Variants in MYO1B observed in about 807,000 individuals in gnomAD.
MYO1B encodes myosin IB.
MYO1B carries 72 observed loss-of-function variants against 159.7 expected under a neutral mutation model. That is an observed-to-expected ratio of 0.45 (90% confidence interval 0.37 to 0.55). The LOEUF (loss-of-function observed/expected upper bound fraction) is 0.55. Ranked by LOEUF, MYO1B falls within the 20% of genes least tolerant of loss-of-function variation. MYO1B has a pLI of 0.00. For missense variants in MYO1B, 1,062 were observed against 1,364.8 expected, an observed-to-expected ratio of 0.78 and a Z score of 3.50; for synonymous variants, 468 against 473.8, an observed-to-expected ratio of 0.99 and a Z score of 0.16.
chr2:191,264,943 C>T lies in MYO1B; in HGVS notation c.-9-11944C>T, dbSNP rs112963270. On this transcript the variant is annotated intron_variant, in intron 1 of 30. Coordinates refer to ENST00000392318, the MANE Select transcript of MYO1B (RefSeq NM_001130158.3). ...TGAGGAAACTGAGGCTTGAAGGTGG[C>T]AGTGTGCCCAGTGTCTCACTGTGAG... Among the ~76,000 whole-genome samples the T allele has an allele frequency of 5.0e-3, 762 of 151,998 alleles. 4 individuals are homozygous for T. The highest frequency in any genetic ancestry group is 0.017 in the African/African-American group (716 of 41,434).
rs556871012 is a variant in MYO1B, at chr2:191,384,950, T to TTCCCCAGGG, written c.1354-932_1354-924dup. On this transcript the variant is annotated intron_variant, in intron 15 of 30. Transcript: ENST00000392318. ...ACACTTGATTCCTGAGAGTCCACGC[T>TTCCCCAGGG]TCCCCAGGGTTTTGTGTGGAATGAA... Among the ~76,000 whole-genome samples the TTCCCCAGGG allele has an allele frequency of 1.2e-4, 18 of 152,318 alleles. 2 individuals carry two copies. In the East Asian group the frequency reaches 3.5e-3, roughly 29 times the overall value.
intron 3 of MYO1B, among the ~76,000 whole-genome samples, chr2:191,311,365 A>G (rs1689992777): frequency 2.0e-5 from 3 of 152,186 alleles, no homozygotes. Context: ...AGGCATAATC[A>G]TAGGTTACCT....
Position 191,393,225 on chromosome 2 carries a change from AAG to A in MYO1B, c.2226+6_2226+7del. Reference sequence around the variant, plus strand: ...CCGCCTGGTACAGGAGATATGCGGTAAGAGTCTCAGTCATTTTAAATCAGTAA... The same window carrying A: ...CCGCCTGGTACAGGAGATATGCGGTAAGTCTCAGTCATTTTAAATCAGTAA... On this transcript the variant is annotated splice_donor_5th_base_variant and intron_variant, in intron 20 of 30. Transcript: ENST00000392318. The A allele has an allele frequency of 6.2e-7, 1 of 1,613,806 alleles. No individual in the cohort carries two copies. Among genetic ancestry groups the A allele is most frequent in the South Asian group, 1.1e-5 (1 of 91,040 alleles).
At chr2:191,412,145 A>G (rs908273214) in intron 27 of MYO1B, among the ~76,000 whole-genome samples, 1 of 152,250 alleles carries the variant, frequency 6.6e-6, no homozygotes, top group African/African-American at 2.4e-5. Context: ...GAGGTGATAC[A>G]TACTCCCTTA....
intron 1 of MYO1B, chr2:191,263,286 G>A (rs1686934491): frequency 3.1e-6 from 3 of 981,592 alleles, no homozygotes; most frequent in Non-Finnish European, 2.4e-6. Context: ...TGTACTTAGT[G>A]TGTTCTCCCT....
rs138819338 is a variant in MYO1B, at chr2:191,354,538, G to C, written c.562+4313G>C. ...CTGACTTTGTTCAGCTTGAAAAAAA[G>C]AAATTCTGCTAATTATGAATGGAGG... On this transcript the variant is annotated intron_variant, in intron 7 of 30. Coordinates refer to ENST00000392318, the MANE Select transcript of MYO1B (RefSeq NM_001130158.3). Among the ~76,000 whole-genome samples the C allele has an allele frequency of 2.6e-3, 395 of 152,150 alleles. 1 individual carries two copies. The highest frequency in any genetic ancestry group is 0.024 in the Middle Eastern group (7 of 294).
At chr2:191,259,451 T>A (rs780978480) in intron 1 of MYO1B, among the ~76,000 whole-genome samples, 14 of 152,224 alleles carry the variant, frequency 9.2e-5, no homozygotes, top group Non-Finnish European at 2.1e-4. Context: ...TAAAATGTGA[T>A]CATAATCATA....
chr2:191,246,857 C>T (rs972474405), intron 1 of MYO1B, among the ~76,000 whole-genome samples: 3 of 152,198 alleles, frequency 2.0e-5, no homozygotes, highest in Admixed American at 1.3e-4. Flanking sequence ...ACACACCACA[C>T]ACACCAGCGT....
At chr2:191,356,337 C>CTTTT (rs79525897) in intron 7 of MYO1B, among the ~76,000 whole-genome samples, 322 of 106,222 alleles carry the variant, frequency 3.0e-3, no homozygotes, top group Middle Eastern at 5.5e-3. Context: ...GGCTGGGCTT[C>CTTTT]TTTTTTTTTT....
At chr2:191,315,836 A>T (rs1411370881) in intron 3 of MYO1B, among the ~76,000 whole-genome samples, 1 of 152,258 alleles carries the variant, frequency 6.6e-6, no homozygotes, top group African/African-American at 2.4e-5. Context: ...TAGGAAAAGC[A>T]AATCTATAAG....
intron 23 of MYO1B, chr2:191,402,098 G>A (rs1696651256): frequency 6.6e-6 from 1 of 152,234 alleles, no homozygotes; most frequent in Non-Finnish European, 1.5e-5. Flanking sequence ...TTTGAGTTTT[G>A]TTAGTTTTGG....
chr2:191,343,347 C>T (rs1193763044), intron 5 of MYO1B, among the ~76,000 whole-genome samples: 1 of 152,162 alleles, frequency 6.6e-6, no homozygotes, highest in Non-Finnish European at 1.5e-5. Flanking sequence ...CAGGCTCAGC[C>T]TCTCCTGCCC....
At chr2:191,259,106 A>C (rs1313749537) in intron 1 of MYO1B, among the ~76,000 whole-genome samples, 1 of 152,228 alleles carries the variant, frequency 6.6e-6, no homozygotes, top group Non-Finnish European at 1.5e-5. Context: ...CAGCTTGTGC[A>C]TGGTGAACTT....
chr2:191,262,999 T>C (rs1428301724), intron 1 of MYO1B: 1 of 152,230 alleles, frequency 6.6e-6, no homozygotes, highest in Non-Finnish European at 1.5e-5. Flanking sequence ...TTAAGTATTC[T>C]TTCCTCAGTT....
At position 191,301,387 on chromosome 2, in the gene MYO1B, G is replaced by A. The variant is rs566378739; in HGVS notation, c.251+5161G>A. On this transcript the variant is annotated intron_variant, in intron 3 of 30. Transcript: ENST00000392318. Reference sequence around the variant, plus strand: ...GATGAGGGAAATAATCAAACTATAGGTTGAGCATCCCTAATCTGAAAATCC... The same window carrying A: ...GATGAGGGAAATAATCAAACTATAGATTGAGCATCCCTAATCTGAAAATCC... Among the ~76,000 whole-genome samples the A allele has an allele frequency of 2.0e-5, 3 of 151,780 alleles. No homozygotes were observed. In the East Asian group the frequency reaches 5.8e-4, roughly 29 times the overall value.
At chr2:191,391,760 G>A (rs1215060605) in intron 18 of MYO1B, among the ~76,000 whole-genome samples, 1 of 152,206 alleles carries the variant, frequency 6.6e-6, no homozygotes. Flanking sequence ...TTAACTGAGT[G>A]AGTTTAAAAT....
intron 3 of MYO1B, among the ~76,000 whole-genome samples, chr2:191,315,354 A>T (rs1690284160): frequency 1.3e-5 from 2 of 152,184 alleles, no homozygotes; most frequent in Non-Finnish European, 2.9e-5. Context: ...TTTCAAAATT[A>T]TCTTCCCTAC....
Position 191,334,564 on chromosome 2 carries a change from T to G in MYO1B, c.346+4535T>G, listed in dbSNP as rs148011226. Among the ~76,000 whole-genome samples, 729 of 152,326 alleles carry G rather than the reference T, an allele frequency of 4.8e-3. 4 individuals are homozygous for G. Among genetic ancestry groups the G allele is most frequent in the African/African-American group, 0.016 (677 of 41,580 alleles). ...TGTTCTATTGGTTTCAGTGCCCAAA[T>G]CACCACTTGAAATCCTCTTCTCCTT... On this transcript the variant is annotated intron_variant, in intron 4 of 30. Transcript: ENST00000392318.
Position 191,303,556 on chromosome 2 carries a change from C to T in MYO1B, c.251+7330C>T, listed in dbSNP as rs143840121. On this transcript the variant is annotated intron_variant, in intron 3 of 30. Coordinates refer to ENST00000392318, the MANE Select transcript of MYO1B (RefSeq NM_001130158.3). Reference sequence around the variant, plus strand: ...ACCCTGTGCCAGGCAGTCTTTCAGGCACTGGGATACAGCAGTGAACAAAAC... The same window carrying T: ...ACCCTGTGCCAGGCAGTCTTTCAGGTACTGGGATACAGCAGTGAACAAAAC... 9.7e-4 allele frequency among the ~76,000 whole-genome samples: 147 copies of T among 152,244 alleles called. 1 individual carries two copies. Among genetic ancestry groups the T allele is most frequent in the African/African-American group, 3.4e-3 (143 of 41,534 alleles).
Sources: gnomAD v4.1 joint callset for allele counts (sites outside exome capture counted in the v4.1 genomes callset) on GRCh38, gnomAD v4.1.1 for gene constraint, MANE v1.5 for transcripts, NCBI Gene and HGNC (gene_info 2026-07-23, HGNC 2026-07-21) for gene names.